Variants in ADAMTSL1 observed in about 807,000 individuals in gnomAD.
ADAMTSL1 encodes the protein ADAMTS like 1.
ADAMTSL1 carries 126 observed loss-of-function variants against 201.8 expected under a neutral mutation model. The observed-to-expected ratio is 0.62, with a 90% CI of 0.54 to 0.72. ADAMTSL1 has a LOEUF of 0.72. ADAMTSL1 is among the 30% of genes least tolerant of loss of function. The probability of loss-of-function intolerance (pLI) is 0.00; values close to 1 mark genes in which losing one functional copy is unlikely to be tolerated. For synonymous variants in ADAMTSL1, 1,121 were observed against 903.4 expected (o/e 1.24, Z -4.32); for missense variants, 2,679 against 2,277.8 (o/e 1.18, Z -3.59).
chr9:18,110,655 C>G (rs569365604), intron 1 of ADAMTSL1, among the ~76,000 whole-genome samples: 64 of 152,120 alleles, frequency 4.2e-4, no homozygotes, highest in Non-Finnish European at 7.2e-4. Context: ...TTGGTGACTA[C>G]CAAGCTGTTG....
chr9:17,940,712 C>CAAAAAAAAAAAAAGA (rs1827199909), intron 1 of ADAMTSL1, among the ~76,000 whole-genome samples: 3 of 88,688 alleles, frequency 3.4e-5, no homozygotes, highest in African/African-American at 4.4e-5. Context: ...GCATAACGTG[C>CAAAAAAAAAAAAAGA]AAAAAAAAAA....
chr9:18,155,951 C>G (rs1007080431), intron 1 of ADAMTSL1, among the ~76,000 whole-genome samples: 1 of 152,008 alleles, frequency 6.6e-6, no homozygotes, highest in African/African-American at 2.4e-5. Flanking sequence ...GAAGAGCTAT[C>G]AGATTGCAGT....
At chr9:18,829,812 C>A in intron 22 of ADAMTSL1, 31 bp from the exon 23 acceptor site, 1 of 1,613,198 alleles carries the variant, frequency 6.2e-7, no homozygotes, top group Non-Finnish European at 8.5e-7. Context: ...TGTGCTTTAA[C>A]CTGCCTGATC....
chr9:18,839,987 C>CCT (rs1332573202), intron 23 of ADAMTSL1, among the ~76,000 whole-genome samples: 9 of 150,080 alleles, frequency 6.0e-5, no homozygotes, highest in African/African-American at 2.2e-4. Context: ...TTGTAGGTTG[C>CCT]CTGTTCAATC....
chr9:17,960,000 C>T (rs995175393), intron 1 of ADAMTSL1, among the ~76,000 whole-genome samples: 5 of 152,094 alleles, frequency 3.3e-5, no homozygotes, highest in African/African-American at 1.2e-4. Flanking sequence ...ACAGAGAACC[C>T]AAAGTTGCAG....
At chr9:18,547,387 A>G (rs574930325) in intron 3 of ADAMTSL1, among the ~76,000 whole-genome samples, 2 of 152,182 alleles carry the variant, frequency 1.3e-5, no homozygotes, top group South Asian at 2.1e-4. Context: ...AGCCAGGTTC[A>G]AAAGCAAGAG....
intron 1 of ADAMTSL1, among the ~76,000 whole-genome samples, chr9:18,041,463 T>C (rs1205652521): frequency 1.3e-5 from 2 of 152,194 alleles, no homozygotes; most frequent in East Asian, 3.8e-4. Flanking sequence ...AGTTTGGAAA[T>C]GTTGAGGATA....
intron 15 of ADAMTSL1, among the ~76,000 whole-genome samples, chr9:18,744,419 G>T (rs1239491482): frequency 6.6e-6 from 1 of 152,186 alleles, no homozygotes; most frequent in Non-Finnish European, 1.5e-5. Flanking sequence ...CTTCTCCTCA[G>T]TCTCCAAAAC....
chr9:18,014,355 T>C (rs1228331221), intron 1 of ADAMTSL1, among the ~76,000 whole-genome samples: 2 of 152,046 alleles, frequency 1.3e-5, no homozygotes, highest in African/African-American at 2.4e-5. Flanking sequence ...AAGCATAACT[T>C]GGGAATGGAA....
chr9:18,397,982 C>T (rs1410194197), intron 2 of ADAMTSL1, among the ~76,000 whole-genome samples: 4 of 152,202 alleles, frequency 2.6e-5, no homozygotes, highest in Middle Eastern at 3.4e-3. Context: ...TTAAAGACCC[C>T]AGGAGCAGTA....
intron 26 of ADAMTSL1, among the ~76,000 whole-genome samples, chr9:18,893,565 G>C (rs926646563): frequency 6.6e-6 from 1 of 152,148 alleles, no homozygotes; most frequent in Admixed American, 6.5e-5. Flanking sequence ...GGTAGAACTG[G>C]GGATGCTGAA....
intron 1 of ADAMTSL1, among the ~76,000 whole-genome samples, chr9:18,129,915 A>C (rs901539185): frequency 1.3e-5 from 2 of 152,150 alleles, no homozygotes; most frequent in Non-Finnish European, 2.9e-5. Flanking sequence ...TTAACTGAGA[A>C]GATGCTTTTA....
chr9:18,404,768 A>G (rs1056447416), intron 2 of ADAMTSL1, among the ~76,000 whole-genome samples: 1 of 152,150 alleles, frequency 6.6e-6, no homozygotes, highest in Non-Finnish European at 1.5e-5. Flanking sequence ...CACCTTTGAG[A>G]GTTGCAAAGG....
chr9:17,914,193 C>A (rs1825996772), intron 1 of ADAMTSL1, among the ~76,000 whole-genome samples: 1 of 152,174 alleles, frequency 6.6e-6, no homozygotes, highest in African/African-American at 2.4e-5. Context: ...CATCCTGATA[C>A]CAAAGCCTGG....
intron 1 of ADAMTSL1, among the ~76,000 whole-genome samples, chr9:18,010,809 C>T (rs1302132346): frequency 6.6e-6 from 1 of 151,984 alleles, no homozygotes; most frequent in Non-Finnish European, 1.5e-5. Context: ...TAGCCAGATT[C>T]TTCTAATTTT....
intron 3 of ADAMTSL1, among the ~76,000 whole-genome samples, chr9:18,541,969 A>T (rs1218072326): frequency 6.6e-6 from 1 of 152,300 alleles, no homozygotes; most frequent in Non-Finnish European, 1.5e-5. Flanking sequence ...CTATAGTATG[A>T]TCTCAGTTTT....
chr9:17,943,236 C>T (rs180842636), intron 1 of ADAMTSL1, among the ~76,000 whole-genome samples: 1 of 152,108 alleles, frequency 6.6e-6, no homozygotes, highest in Non-Finnish European at 1.5e-5. Context: ...GCCACTGAAC[C>T]CAGCCTGCAA....
At chr9:18,062,954 A>G (rs1161532616) in intron 1 of ADAMTSL1, among the ~76,000 whole-genome samples, 1 of 152,202 alleles carries the variant, frequency 6.6e-6, no homozygotes, top group Non-Finnish European at 1.5e-5. Context: ...TTTGCATGGC[A>G]CATTATGCCA....
chr9:18,729,632 A>G (rs1342647092), intron 15 of ADAMTSL1, among the ~76,000 whole-genome samples: 1 of 152,180 alleles, frequency 6.6e-6, no homozygotes, highest in Non-Finnish European at 1.5e-5. Context: ...TTCAGTCTCC[A>G]CTGAACAAAT....
Sources: gnomAD v4.1 joint callset for allele counts (sites outside exome capture counted in the v4.1 genomes callset) on GRCh38, gnomAD v4.1.1 for gene constraint, MANE v1.5 for transcripts, NCBI Gene and HGNC (gene_info 2026-07-23, HGNC 2026-07-21) for gene names.